Variants in CNTN5 observed in about 807,000 individuals in gnomAD.
The protein encoded by CNTN5 is contactin 5.
A neutral mutation model predicts 129.1 loss-of-function variants in CNTN5; 77 were observed. The ratio of observed to expected loss-of-function variants is 0.60; its 90% CI spans 0.50 to 0.72. The LOEUF (loss-of-function observed/expected upper bound fraction) is 0.72, where lower values mean the gene tolerates loss of function less well. CNTN5 is among the 30% of genes least tolerant of loss of function. CNTN5 has a pLI of 0.00. For missense variants in CNTN5, 1,478 were observed against 1,328.8 expected, an observed-to-expected ratio of 1.11 and a Z score of -1.75; for synonymous variants, 509 against 465.6, an observed-to-expected ratio of 1.09 and a Z score of -1.20.
intron 16 of CNTN5, among the ~76,000 whole-genome samples, chr11:100,227,225 G>A (rs559532366): frequency 1.3e-4 from 20 of 152,206 alleles, no homozygotes; most frequent in Admixed American, 2.6e-4. Flanking sequence ...TGTTCTCTTT[G>A]ATGGACGGGA....
chr11:100,194,412 T>A (rs999382241), intron 15 of CNTN5, among the ~76,000 whole-genome samples: 1 of 151,938 alleles, frequency 6.6e-6, no homozygotes, highest in African/African-American at 2.4e-5. Flanking sequence ...CCTTCTATAT[T>A]GGCTAAAGAG....
chr11:99,547,028 A>G (rs1324439365), intron 2 of CNTN5, among the ~76,000 whole-genome samples: 3 of 133,614 alleles, frequency 2.2e-5, no homozygotes, highest in African/African-American at 5.7e-5. Flanking sequence ...TTTGAGACAG[A>G]GTTTTGCCCT....
At position 100,356,259 on chromosome 11, in the gene CNTN5, G is replaced by C. The variant is rs537596109; in HGVS notation, c.*39G>C. ...AATTTGCTTTTGTTTGCTTTAGCTTGGTAACAGCGGTGAATAGAGTGTAGT... is the reference window on the plus strand; with the variant it reads ...AATTTGCTTTTGTTTGCTTTAGCTTCGTAACAGCGGTGAATAGAGTGTAGT... On this transcript the variant is annotated 3_prime_UTR_variant, in exon 25 of 25. Transcript: ENST00000524871. 4.9e-5 allele frequency: 65 copies of C among 1,333,304 alleles called. No individual in the cohort carries two copies. The South Asian group carries it at 7.1e-4, about 15-fold the overall frequency. The allele number at this position is 1,333,304 out of a possible 1,614,324, so 82.6% of individuals were successfully genotyped here.
chr11:99,315,324 A>G (rs1463493930), intron 1 of CNTN5, among the ~76,000 whole-genome samples: 1 of 149,774 alleles, frequency 6.7e-6, no homozygotes, highest in South Asian at 2.1e-4. Flanking sequence ...TCTGTTCCTA[A>G]GTGTGCCACT....
Position 100,255,854 on chromosome 11 carries a change from A to G in CNTN5, c.2100A>G (p.Pro700=), listed in dbSNP as rs1565375658. 1.9e-6 allele frequency: 3 copies of G among 1,613,916 alleles called. No homozygotes were observed. The highest frequency in any genetic ancestry group is 2.5e-6 in the Non-Finnish European group (3 of 1,179,880). Residue 700 remains proline, a synonymous_variant, in exon 17 of 25, where the codon CCA becomes CCG. Coordinates refer to ENST00000524871, the MANE Select transcript of CNTN5 (RefSeq NM_014361.4). ...SWSPAADNHS[P]ISSYNLQARS... Reference sequence around the variant, plus strand: ...GCCCAGCAGCTGACAACCACAGCCCAATCTCCTCCTACAACCTTCAAGCTC... The same window carrying G: ...GCCCAGCAGCTGACAACCACAGCCCGATCTCCTCCTACAACCTTCAAGCTC...
At chr11:99,156,931 A>G (rs890443808) in intron 1 of CNTN5, among the ~76,000 whole-genome samples, 3 of 152,026 alleles carry the variant, frequency 2.0e-5, no homozygotes, top group African/African-American at 7.2e-5. Flanking sequence ...TATAACTGAG[A>G]GTGTTTGGAA....
In CNTN5 at chr11:100,061,273, C is replaced by T. The variant is rs755878727; in HGVS notation, c.1042C>T (p.Arg348Trp). The T allele has an allele frequency of 5.0e-6, 8 of 1,613,414 alleles. No individual in the cohort carries two copies. Among genetic ancestry groups the T allele is most frequent in the Admixed American group, 1.7e-5 (1 of 59,978 alleles). The change falls in exon 10 of 25, where the codon CGG becomes TGG. Residue 348 changes from arginine (R) to tryptophan (W), a missense_variant. By Grantham distance (101) the Arg-to-Trp change is moderately radical. Coordinates refer to ENST00000524871, the MANE Select transcript of CNTN5 (RefSeq NM_014361.4). The stretch of plus-strand genomic sequence containing the variant: ...TTATATTCCTAGTAAGGCACGTCTG[C>T]GGAAATCTCAGGCGGTGCTGGAAAT... ...NGYIPSKARLRKSQAVLEIPN... is the reference protein window; with the variant it reads ...NGYIPSKARLWKSQAVLEIPN...
chr11:99,571,221 A>G (rs538869663), intron 3 of CNTN5, among the ~76,000 whole-genome samples: 103 of 152,200 alleles, frequency 6.8e-4, no homozygotes, highest in Non-Finnish European at 1.1e-3. Context: ...AAAAGGTAAC[A>G]TGAAGTATTT....
intron 15 of CNTN5, among the ~76,000 whole-genome samples, chr11:100,198,801 C>A (rs7117635): frequency 1.3e-5 from 2 of 151,690 alleles, no homozygotes; most frequent in Non-Finnish European, 2.9e-5. Flanking sequence ...AGGAAACATG[C>A]CTGATTCATA....
intron 1 of CNTN5, among the ~76,000 whole-genome samples, chr11:99,132,888 G>GT (rs1859016584): frequency 6.6e-6 from 1 of 151,772 alleles, no homozygotes; most frequent in Non-Finnish European, 1.5e-5. Flanking sequence ...ATTCTTCACA[G>GT]TATTAGAAAA....
At chr11:99,571,297 C>T (rs781008521) in intron 3 of CNTN5, among the ~76,000 whole-genome samples, 5 of 152,066 alleles carry the variant, frequency 3.3e-5, no homozygotes, top group Admixed American at 2.0e-4. Flanking sequence ...ATGAATCTAC[C>T]AAATAAGGAG....
chr11:100,141,620 T>C (rs759086566), intron 13 of CNTN5, among the ~76,000 whole-genome samples: 2 of 152,202 alleles, frequency 1.3e-5, no homozygotes, highest in Non-Finnish European at 2.9e-5. Context: ...ATTAATTTTG[T>C]TTCCCAGTGC....
intron 2 of CNTN5, among the ~76,000 whole-genome samples, chr11:99,380,131 G>A (rs369078069): frequency 6.6e-6 from 1 of 151,002 alleles, no homozygotes; most frequent in South Asian, 2.1e-4. Flanking sequence ...TTAAATAAAT[G>A]CTACTCTTGA....
intron 1 of CNTN5, among the ~76,000 whole-genome samples, chr11:99,255,642 G>C (rs1171192046): frequency 6.6e-6 from 1 of 151,438 alleles, no homozygotes; most frequent in Non-Finnish European, 1.5e-5. Context: ...GTTAGTTAAT[G>C]AAAAATAAAG....
At chr11:100,050,349 A>G (rs1025229649) in intron 9 of CNTN5, among the ~76,000 whole-genome samples, 9 of 152,246 alleles carry the variant, frequency 5.9e-5, no homozygotes, top group South Asian at 2.1e-4. Flanking sequence ...ATTGGAAATC[A>G]TCATTCTCAA....
At chr11:99,250,034 T>C (rs1438898519) in intron 1 of CNTN5, among the ~76,000 whole-genome samples, 1 of 151,980 alleles carries the variant, frequency 6.6e-6, no homozygotes, top group Non-Finnish European at 1.5e-5. Flanking sequence ...TGAGAGCACA[T>C]TGGGATCATT....
intron 2 of CNTN5, among the ~76,000 whole-genome samples, chr11:99,526,457 A>G (rs1248837339): frequency 2.6e-5 from 4 of 152,208 alleles, no homozygotes; most frequent in Non-Finnish European, 5.9e-5. Context: ...CAAAGAGATG[A>G]AATAGTTTTA....
At chr11:100,216,099 C>T (rs1025781658) in intron 15 of CNTN5, among the ~76,000 whole-genome samples, 1 of 152,028 alleles carries the variant, frequency 6.6e-6, no homozygotes, top group Admixed American at 6.6e-5. Flanking sequence ...TACTACAATC[C>T]CAAGATTTTG....
chr11:99,499,879 A>G (rs1946363265), intron 2 of CNTN5, among the ~76,000 whole-genome samples: 2 of 152,148 alleles, frequency 1.3e-5, no homozygotes, highest in African/African-American at 4.8e-5. Context: ...CTCTTTCTTT[A>G]TGTATTGGGT....
Sources: gnomAD v4.1 joint callset for allele counts (sites outside exome capture counted in the v4.1 genomes callset) on GRCh38, gnomAD v4.1.1 for gene constraint, MANE v1.5 for transcripts, NCBI Gene and HGNC (gene_info 2026-07-23, HGNC 2026-07-21) for gene names.